The following PPP4R1 variants were observed in gnomAD, a reference collection of about 807,000 sequenced individuals.
The protein encoded by PPP4R1 is serine/threonine-protein phosphatase 4 regulatory subunit 1.
In PPP4R1, 42 loss-of-function variants were observed where a neutral mutation model predicts 111.2. That is an observed-to-expected ratio of 0.38 (90% confidence interval 0.29 to 0.49). The LOEUF is 0.49. PPP4R1 is among the 20% of genes least tolerant of loss of function. The probability of loss-of-function intolerance (pLI) is 0.97; values close to 1 mark genes in which losing one functional copy is unlikely to be tolerated. For synonymous variants in PPP4R1, 409 were observed against 405.5 expected, an observed-to-expected ratio of 1.01 and a Z score of -0.10; for missense variants, 1,012 against 1,161.6, an observed-to-expected ratio of 0.87 and a Z score of 1.87.
intron 10 of PPP4R1, 53 bp from the exon 11 acceptor site, chr18:9,570,736 T>A (rs1402432697): frequency 1.4e-6 from 2 of 1,474,720 alleles, no homozygotes; most frequent in East Asian, 2.3e-5. Context: ...ATAATTACTT[T>A]AAAAAAACTG....
intron 2 of PPP4R1, among the ~76,000 whole-genome samples, chr18:9,607,802 T>A (rs12961767): frequency 7.1e-6 from 1 of 141,664 alleles, no homozygotes; most frequent in East Asian, 2.0e-4. Flanking sequence ...TTTTTTTTTT[T>A]GGATGGAGTT....
chr18:9,550,203 G>A lies in PPP4R1; in HGVS notation c.2413-17C>T, dbSNP rs759462832. 6.2e-7 allele frequency: 1 copy of A among 1,614,162 alleles called. No individual in the cohort carries two copies. The highest frequency in any genetic ancestry group is 2.2e-5 in the East Asian group (1 of 44,864). On this transcript the variant is annotated splice_polypyrimidine_tract_variant and intron_variant, in intron 17 of 19. Coordinates refer to ENST00000400556, the MANE Select transcript of PPP4R1 (RefSeq NM_001042388.3). ...CTCGCTGACCTGGGAGGGTGAGCAT[G>A]GAGAAATGAGGAACAGCTTCCATTC...
intron 2 of PPP4R1, among the ~76,000 whole-genome samples, chr18:9,597,817 G>A (rs1304554091): frequency 6.6e-6 from 1 of 152,006 alleles, no homozygotes; most frequent in Non-Finnish European, 1.5e-5. Context: ...AAATTACTAG[G>A]CACACAAAAG....
intron 4 of PPP4R1, among the ~76,000 whole-genome samples, chr18:9,591,403 A>C (rs1170898862): frequency 6.6e-6 from 1 of 152,058 alleles, no homozygotes; most frequent in Non-Finnish European, 1.5e-5. Context: ...TATGAACTTC[A>C]CTGGTTACTG....
upstream of PPP4R1, chr18:9,614,585 G>T: frequency 2.6e-6 from 2 of 779,018 alleles, no homozygotes; most frequent in South Asian, 5.6e-5. The surrounding 1 kb of genome is among the most constrained non-coding windows in gnomAD (Gnocchi z 4.1). Flanking sequence ...GGGCGGCGGG[G>T]AGGAGGAGGG....
At chr18:9,593,653 G>A in intron 4 of PPP4R1, 115 bp downstream of exon 4, 1 of 916,182 alleles carries the variant, frequency 1.1e-6, no homozygotes. Context: ...AATTACTTAG[G>A]AAATATTTTA....
intron 2 of PPP4R1, among the ~76,000 whole-genome samples, chr18:9,601,658 A>C (rs1307448578): frequency 6.6e-6 from 1 of 152,118 alleles, no homozygotes; most frequent in Non-Finnish European, 1.5e-5. Context: ...ACACCTGGCT[A>C]ATTTTTGTAT....
chr18:9,579,786 G>A (rs986989989), intron 9 of PPP4R1, among the ~76,000 whole-genome samples: 40 of 152,082 alleles, frequency 2.6e-4, no homozygotes, highest in African/African-American at 9.2e-4. Context: ...ATCTAGAGAC[G>A]ATTTACAGTG....
intron 8 of PPP4R1, among the ~76,000 whole-genome samples, chr18:9,583,640 T>C (rs1377757080): frequency 3.3e-5 from 5 of 152,214 alleles, no homozygotes; most frequent in Non-Finnish European, 7.3e-5. Flanking sequence ...GTGCTAGGAT[T>C]ACAGGTGTGA....
intron 14 of PPP4R1, among the ~76,000 whole-genome samples, chr18:9,558,237 T>C (rs1036439001): frequency 1.3e-5 from 2 of 152,094 alleles, no homozygotes; most frequent in Admixed American, 1.3e-4. Flanking sequence ...AAGTTCAACA[T>C]ATAAGACAGA....
intron 15 of PPP4R1, 71 bp downstream of exon 15, chr18:9,557,150 T>G: frequency 1.4e-6 from 2 of 1,387,866 alleles, no homozygotes; most frequent in East Asian, 2.4e-5. Flanking sequence ...CTCTTGGTGA[T>G]AGCAGAAGAT....
At chr18:9,611,330 T>A (rs1010055472) in intron 2 of PPP4R1, among the ~76,000 whole-genome samples, 1 of 152,122 alleles carries the variant, frequency 6.6e-6, no homozygotes, top group Admixed American at 6.5e-5. Context: ...GCTCACGAGA[T>A]AACAACCGTG....
intron 15 of PPP4R1, among the ~76,000 whole-genome samples, chr18:9,556,678 G>A (rs921241767): frequency 1.3e-5 from 2 of 152,170 alleles, no homozygotes; most frequent in Non-Finnish European, 1.5e-5. Flanking sequence ...AGGGCTAAAC[G>A]TAAATTCTCA....
chr18:9,596,655 C>G (rs2145268564), intron 2 of PPP4R1, among the ~76,000 whole-genome samples: 1 of 152,286 alleles, frequency 6.6e-6, no homozygotes, highest in South Asian at 2.1e-4. Flanking sequence ...AAACTCCTCC[C>G]AAATGTTGCT....
chr18:9,563,690 T>C (rs915028580), intron 11 of PPP4R1, 140 bp from the exon 12 acceptor site: 30 of 708,536 alleles, frequency 4.2e-5, no homozygotes, highest in Admixed American at 1.1e-4. Flanking sequence ...GAAAAAAATT[T>C]CTACTGTGGT....
At chr18:9,565,024 T>C (rs2066743662) in intron 11 of PPP4R1, among the ~76,000 whole-genome samples, 1 of 152,140 alleles carries the variant, frequency 6.6e-6, no homozygotes, top group African/African-American at 2.4e-5. Context: ...ACTGTACTTT[T>C]TCTAAACTAA....
Position 9,583,102 on chromosome 18 carries a change from TAATC to T in PPP4R1, c.918+11_918+14del. The T allele has an allele frequency of 4.4e-6, 7 of 1,583,274 alleles. No homozygotes were observed. The highest frequency in any genetic ancestry group is 6.0e-6 in the Non-Finnish European group (7 of 1,160,554). ...CAAATGTATTATTTTACAAAAGTGATAATCAAAACCCTACCCAACGTGAAGGATC... is the reference window on the plus strand; with the variant it reads ...CAAATGTATTATTTTACAAAAGTGATAAAACCCTACCCAACGTGAAGGATC... On this transcript the variant is annotated intron_variant, in intron 9 of 19. Coordinates refer to ENST00000400556, the MANE Select transcript of PPP4R1 (RefSeq NM_001042388.3).
chr18:9,584,515 C>T lies in PPP4R1; in HGVS notation c.759G>A (p.Leu253=). 1.2e-6 allele frequency: 2 copies of T among 1,612,124 alleles called. No homozygotes were observed. Among genetic ancestry groups the T allele is most frequent in the Non-Finnish European group, 1.7e-6 (2 of 1,179,128 alleles). ...ACTCCTTTATATCTGCAATACTTAC[C>T]AACATTTCTTCAGTAGCTTGCTGGC... ...VVGQQATEEM[L]LPRFFQLCSD... is the part of the protein sequence containing the mutation. The change falls in exon 8 of 20, where the codon TTG becomes TTA. Residue 253 remains leucine (L), a splice_region_variant and synonymous_variant. Coordinates refer to ENST00000400556, the MANE Select transcript of PPP4R1 (RefSeq NM_001042388.3).
At chr18:9,578,307 C>G (rs1324176366) in intron 9 of PPP4R1, among the ~76,000 whole-genome samples, 1 of 152,230 alleles carries the variant, frequency 6.6e-6, no homozygotes, top group East Asian at 1.9e-4. Flanking sequence ...GCTACCATGG[C>G]TCACTGCAGC....
Sources: gnomAD v4.1 joint callset for allele counts (sites outside exome capture counted in the v4.1 genomes callset) on GRCh38, gnomAD v4.1.1 for gene constraint, Gnocchi (gnomAD v3.1) non-coding constraint, MANE v1.5 for transcripts, NCBI Gene and HGNC (gene_info 2026-07-23, HGNC 2026-07-21) for gene names.